The following SPATA6 variants were observed in gnomAD, a reference collection of about 807,000 sequenced individuals.
SPATA6 encodes the protein spermatogenesis associated 6, also known as spermatogenesis-associated protein 6.
In SPATA6, 56 loss-of-function variants were observed where a neutral mutation model predicts 65.3. The observed-to-expected ratio is 0.86, with a 90% CI of 0.69 to 1.07. The LOEUF (loss-of-function observed/expected upper bound fraction) is 1.07, where lower values mean the gene tolerates loss of function less well. Among genes scored for constraint, SPATA6 ranks in the 50% least tolerant of loss-of-function variants. SPATA6 has a pLI of 0.00. For synonymous variants in SPATA6, 199 were observed against 213.2 expected (o/e 0.93, Z 0.58); for missense variants, 590 against 594.8 (o/e 0.99, Z 0.08).
chr1:48,325,683 C>A, intron 11 of SPATA6: 1 of 591,120 alleles, frequency 1.7e-6, no homozygotes, highest in South Asian at 1.7e-5. Context: ...CTGAGTTAAT[C>A]ATCCTCTTCA....
intron 9 of SPATA6, among the ~76,000 whole-genome samples, chr1:48,371,892 C>G (rs1332088527): frequency 6.6e-6 from 1 of 152,066 alleles, no homozygotes; most frequent in African/African-American, 2.4e-5. Flanking sequence ...CCTGATAAAC[C>G]CAACAGATCT....
Position 48,399,547 on chromosome 1 carries a change from T to G in SPATA6, c.584A>C (p.Glu195Ala). 2 of 1,613,086 alleles carry G rather than the reference T, an allele frequency of 1.2e-6. No homozygotes were observed. Among genetic ancestry groups the G allele is most frequent in the Non-Finnish European group, 1.7e-6 (2 of 1,179,366 alleles). ...RSQKKKSKSP[E>A]RSKYCINAKN... Reference sequence around the variant, plus strand: ...TGCATTTATACAGTATTTACTTCTCTCAGGTGACTTGGATTTTTTCTTTTG... The same window carrying G: ...TGCATTTATACAGTATTTACTTCTCGCAGGTGACTTGGATTTTTTCTTTTG... The change falls in exon 7 of 13, where the codon GAG (glutamate) becomes GCG (alanine). Residue 195 changes from glutamate to alanine, a missense_variant. Transcript: ENST00000371847.
At chr1:48,407,667 T>C (rs142858479) in intron 5 of SPATA6, among the ~76,000 whole-genome samples, 29 of 152,346 alleles carry the variant, frequency 1.9e-4, no homozygotes, top group African/African-American at 6.5e-4. Flanking sequence ...TTTTCAAGCA[T>C]GAAAACTTCT....
intron 7 of SPATA6, 155 bp downstream of exon 7, chr1:48,399,195 TC>T (rs1421666612): frequency 2.2e-6 from 2 of 895,084 alleles, no homozygotes; most frequent in Admixed American, 6.1e-5. Flanking sequence ...GTTCTTTCAT[TC>T]TAAATTAATT....
At chr1:48,359,942 GTAAT>G (rs1205530573) in intron 9 of SPATA6, among the ~76,000 whole-genome samples, 172 bp from the exon 10 acceptor site, 3 of 152,002 alleles carry the variant, frequency 2.0e-5, no homozygotes, top group African/African-American at 4.8e-5. Context: ...TCAGAACATA[GTAAT>G]TAGTCACTGT....
intron 9 of SPATA6, among the ~76,000 whole-genome samples, chr1:48,374,441 T>C (rs1647653524): frequency 6.6e-6 from 1 of 152,200 alleles, no homozygotes; most frequent in Admixed American, 6.5e-5. Context: ...ACTGAGACCA[T>C]TTGCATTCAT....
intron 3 of SPATA6, among the ~76,000 whole-genome samples, chr1:48,415,325 T>C (rs1255614695): frequency 6.6e-6 from 1 of 152,206 alleles, no homozygotes; most frequent in Non-Finnish European, 1.5e-5. Flanking sequence ...TAGATTTTTG[T>C]AGAGTCTTTT....
chr1:48,332,306 A>C (rs1645939232), intron 11 of SPATA6, among the ~76,000 whole-genome samples: 1 of 152,186 alleles, frequency 6.6e-6, no homozygotes, highest in Non-Finnish European at 1.5e-5. Flanking sequence ...GGATAAAGAA[A>C]CAGGACCCAA....
intron 3 of SPATA6, among the ~76,000 whole-genome samples, chr1:48,423,444 G>C (rs1423489275): frequency 7.3e-6 from 1 of 137,358 alleles, no homozygotes; most frequent in Non-Finnish European, 1.5e-5. Context: ...CAACAAAAGC[G>C]AAACTCCATC....
Position 48,308,110 on chromosome 1 carries a change from C to A in SPATA6, c.1195-2232G>T, listed in dbSNP as rs536877288. Among the ~76,000 whole-genome samples, 412 of 151,940 alleles carry A rather than the reference C, an allele frequency of 2.7e-3. 1 individual carries two copies. Among genetic ancestry groups the A allele is most frequent in the African/African-American group, 9.5e-3 (393 of 41,496 alleles). ...AACCACCTATAGGTATGTTTACATA[C>A]CTATATGATTTACATTTGCCATTTT... is the stretch of plus-strand genomic sequence containing the variant. On this transcript the variant is annotated intron_variant, in intron 11 of 12. Coordinates refer to ENST00000371847, the MANE Select transcript of SPATA6 (RefSeq NM_019073.4).
chr1:48,368,430 A>G (rs559669487), intron 9 of SPATA6, among the ~76,000 whole-genome samples: 22 of 152,334 alleles, frequency 1.4e-4, no homozygotes, highest in African/African-American at 5.1e-4. Flanking sequence ...TTTCAGGTAC[A>G]CCAATCAGAC....
chr1:48,410,915 A>G (rs1465337571), intron 5 of SPATA6, among the ~76,000 whole-genome samples: 1 of 152,240 alleles, frequency 6.6e-6, no homozygotes, highest in Non-Finnish European at 1.5e-5. Flanking sequence ...ATCACATGGT[A>G]TAGCAGCATA....
At chr1:48,365,157 T>C (rs1032836158) in intron 9 of SPATA6, among the ~76,000 whole-genome samples, 1 of 152,196 alleles carries the variant, frequency 6.6e-6, no homozygotes, top group Non-Finnish European at 1.5e-5. Context: ...CATTGATCTA[T>C]ATCTCTGTTT....
intron 3 of SPATA6, among the ~76,000 whole-genome samples, chr1:48,427,276 AAAT>A (rs1160556534): frequency 6.6e-6 from 1 of 152,114 alleles, no homozygotes; most frequent in African/African-American, 2.4e-5. Flanking sequence ...ACAGGAGAGG[AAAT>A]AATACGACAG....
At position 48,301,862 on chromosome 1, in the gene SPATA6, T is replaced by C. The variant is rs1644947677; in HGVS notation, c.1287-2969A>G. ...TAAAAATAATGCCTATATCTCACCA[T>C]ATACAAACATCGAACTAAAATGGAT... On this transcript the variant is annotated intron_variant, in intron 12 of 12. Transcript: ENST00000371847. 3.3e-5 allele frequency among the ~76,000 whole-genome samples: 5 copies of C among 152,262 alleles called. No homozygotes were observed. In the South Asian group the frequency reaches 1.0e-3, roughly 32 times the overall value.
At chr1:48,466,692 T>C (rs1320250054) in intron 1 of SPATA6, among the ~76,000 whole-genome samples, 2 of 152,156 alleles carry the variant, frequency 1.3e-5, no homozygotes, top group East Asian at 3.9e-4. Context: ...ATTTTATAGT[T>C]AAAATTTTTT....
At chr1:48,430,612 C>T (rs1477548822) in intron 3 of SPATA6, among the ~76,000 whole-genome samples, 1 of 152,064 alleles carries the variant, frequency 6.6e-6, no homozygotes, top group Non-Finnish European at 1.5e-5. Flanking sequence ...GGTTGTAACT[C>T]CACATTTTTG....
chr1:48,344,788 A>G (rs919385250), intron 11 of SPATA6, among the ~76,000 whole-genome samples: 1 of 152,204 alleles, frequency 6.6e-6, no homozygotes, highest in Non-Finnish European at 1.5e-5. Context: ...AGGGCATTAC[A>G]TAATGGTAAA....
intron 4 of SPATA6, 144 bp from the exon 5 acceptor site, chr1:48,411,732 A>T: frequency 1.5e-6 from 1 of 673,422 alleles, no homozygotes; most frequent in Admixed American, 4.4e-5. Flanking sequence ...AAGGAAAATT[A>T]AAATAAAGAT....
Sources: gnomAD v4.1 joint callset for allele counts (sites outside exome capture counted in the v4.1 genomes callset) on GRCh38, gnomAD v4.1.1 for gene constraint, MANE v1.5 for transcripts, NCBI Gene and HGNC (gene_info 2026-07-23, HGNC 2026-07-21) for gene names.